The following DNAH9 variants were observed in gnomAD, a reference collection of about 807,000 sequenced individuals.
DNAH9 encodes the protein dynein axonemal heavy chain 9.
In DNAH9, 345 loss-of-function variants were observed where a neutral mutation model predicts 471.6. That is an observed-to-expected ratio of 0.73 (90% CI 0.67 to 0.80). The LOEUF (loss-of-function observed/expected upper bound fraction) is 0.80. Among genes scored for constraint, DNAH9 ranks in the 30% least tolerant of loss-of-function variants. DNAH9 has a pLI of 0.00. For synonymous variants in DNAH9, 2,093 were observed against 2,123.6 expected, an observed-to-expected ratio of 0.99 and a Z score of 0.40; for missense variants, 5,407 against 5,609.2, an observed-to-expected ratio of 0.96 and a Z score of 1.15.
Position 11,623,621 on chromosome 17 carries a change from T to C in DNAH9, c.1350+3840T>C, listed in dbSNP as rs559300168. On this transcript the variant is annotated intron_variant, in intron 6 of 68. Coordinates refer to ENST00000262442, the MANE Select transcript of DNAH9 (RefSeq NM_001372.4). This position sits in a 1 kb window ranked among gnomAD's most constrained non-coding sequence, Gnocchi z 4.1. ...TGGCATATTTCATGTAGGCCTTTAG[T>C]TAATATTCTGTGTATCTCTGTGATC... 3.9e-4 allele frequency among the ~76,000 whole-genome samples: 59 copies of C among 152,288 alleles called. No individual in the cohort carries two copies. Among genetic ancestry groups the C allele is most frequent in the African/African-American group, 1.3e-3 (55 of 41,568 alleles).
At chr17:11,761,961 G>T (rs750078071) in intron 35 of DNAH9, among the ~76,000 whole-genome samples, 1 of 152,014 alleles carries the variant, frequency 6.6e-6, no homozygotes, top group Non-Finnish European at 1.5e-5. Flanking sequence ...ATCTCTGTTT[G>T]GAATGGAAGG....
chr17:11,787,421 G>T (rs151230839), intron 41 of DNAH9, among the ~76,000 whole-genome samples: 3 of 152,178 alleles, frequency 2.0e-5, no homozygotes, highest in Non-Finnish European at 4.4e-5. Flanking sequence ...AGCACATCAG[G>T]AGGCAGCTTT....
intron 61 of DNAH9, among the ~76,000 whole-genome samples, chr17:11,917,265 T>G (rs1415868832): frequency 6.6e-6 from 1 of 152,146 alleles, no homozygotes; most frequent in East Asian, 1.9e-4. Flanking sequence ...CAAGCGATTC[T>G]CCTGCCTCAG....
chr17:11,676,628 C>T (rs958576800), intron 17 of DNAH9, among the ~76,000 whole-genome samples: 11 of 151,706 alleles, frequency 7.3e-5, no homozygotes, highest in African/African-American at 1.5e-4. Flanking sequence ...TTCTTCTTGC[C>T]GGACACAAAA....
intron 67 of DNAH9, among the ~76,000 whole-genome samples, chr17:11,956,957 T>G (rs1334011474): frequency 6.6e-6 from 1 of 151,444 alleles, no homozygotes; most frequent in African/African-American, 2.4e-5. Flanking sequence ...AACAAAAAAA[T>G]TATAAAACTT....
chr17:11,949,839 C>T (rs1366398542), intron 67 of DNAH9, among the ~76,000 whole-genome samples: 1 of 152,056 alleles, frequency 6.6e-6, no homozygotes, highest in Non-Finnish European at 1.5e-5. Flanking sequence ...CAGGGCTGTC[C>T]CTGCTTCACT....
At chr17:11,886,734 G>T in intron 56 of DNAH9, 91 bp from the exon 57 acceptor site, 1 of 1,480,274 alleles carries the variant, frequency 6.8e-7, no homozygotes, top group South Asian at 1.4e-5. Flanking sequence ...CCCCTAAGCA[G>T]ACGCATGTCT....
chr17:11,742,153 C>G (rs372074678), intron 29 of DNAH9, 22 bp from the exon 30 acceptor site: 2 of 1,612,736 alleles, frequency 1.2e-6, no homozygotes, highest in East Asian at 4.5e-5. Context: ...ACTGACTGGG[C>G]CTTCTGTCTT....
chr17:11,651,046 C>T (rs1229157945), intron 12 of DNAH9, 23 bp from the exon 13 acceptor site: 7 of 1,609,342 alleles, frequency 4.3e-6, no homozygotes, highest in Non-Finnish European at 5.1e-6. Flanking sequence ...ACGACAGACA[C>T]TTGTGTTGCT....
chr17:11,694,477 C>G (rs772934224), intron 22 of DNAH9, 30 bp downstream of exon 22: 2 of 1,612,782 alleles, frequency 1.2e-6, no homozygotes, highest in East Asian at 2.2e-5. Context: ...GCAGAAAGGT[C>G]TAGGAGGGCT....
intron 63 of DNAH9, among the ~76,000 whole-genome samples, chr17:11,931,748 T>A (rs113309360): frequency 3.3e-5 from 5 of 152,138 alleles, no homozygotes; most frequent in African/African-American, 1.2e-4. Flanking sequence ...TCAGCTACAT[T>A]AGTGAACTTT....
intron 57 of DNAH9, among the ~76,000 whole-genome samples, chr17:11,888,177 G>A (rs767362218): frequency 2.0e-5 from 3 of 151,768 alleles, no homozygotes; most frequent in African/African-American, 4.8e-5. Context: ...GTAGAGACGG[G>A]GTTTCACTGT....
chr17:11,906,620 TC>T (rs937375652), intron 61 of DNAH9, among the ~76,000 whole-genome samples: 38 of 138,282 alleles, frequency 2.7e-4, no homozygotes, highest in African/African-American at 1.1e-3. Flanking sequence ...AGAGCAAGAC[TC>T]TGTCTCAAAA....
At position 11,785,920 on chromosome 17, in the gene DNAH9, C is replaced by T. The variant is rs141582836; in HGVS notation, c.8061+1381C>T. On this transcript the variant is annotated intron_variant, in intron 41 of 68. Transcript: ENST00000262442. ...AGCTCTGAGCCTATAAAGCCTGCAT[C>T]TCTGCAGGCCTCAGGACTGGACAGC... 2.6e-4 allele frequency among the ~76,000 whole-genome samples: 39 copies of T among 152,314 alleles called. 1 individual carries two copies. In the East Asian group the frequency reaches 7.1e-3, roughly 28 times the overall value.
At chr17:11,812,576 A>G (rs1969966169) in intron 45 of DNAH9, among the ~76,000 whole-genome samples, 1 of 152,100 alleles carries the variant, frequency 6.6e-6, no homozygotes, top group South Asian at 2.1e-4. Context: ...GGTCCAGAGC[A>G]TGTACTAGCA....
intron 62 of DNAH9, 77 bp downstream of exon 62, chr17:11,924,018 A>C: frequency 6.5e-7 from 1 of 1,548,178 alleles, no homozygotes; most frequent in South Asian, 1.2e-5. Flanking sequence ...ATCTCCATCC[A>C]CTCTTAGCTT....
intron 48 of DNAH9, among the ~76,000 whole-genome samples, chr17:11,829,988 C>T (rs1366465530): frequency 6.6e-6 from 1 of 152,150 alleles, no homozygotes; most frequent in Admixed American, 6.5e-5. Flanking sequence ...TTAAAACTCT[C>T]CCACAGGCCT....
intron 28 of DNAH9, among the ~76,000 whole-genome samples, chr17:11,734,743 A>G (rs1400441552): frequency 6.6e-6 from 1 of 152,246 alleles, no homozygotes; most frequent in Non-Finnish European, 1.5e-5. Context: ...CTGCAGACTC[A>G]GTTGCTGCTA....
intron 48 of DNAH9, among the ~76,000 whole-genome samples, chr17:11,827,596 G>C (rs1419476389): frequency 6.6e-6 from 1 of 152,022 alleles, no homozygotes; most frequent in Non-Finnish European, 1.5e-5. Context: ...CCCACCTCCA[G>C]CATTTGACAG....
Sources: gnomAD v4.1 joint callset for allele counts (sites outside exome capture counted in the v4.1 genomes callset) on GRCh38, gnomAD v4.1.1 for gene constraint, Gnocchi (gnomAD v3.1) non-coding constraint, MANE v1.5 for transcripts, NCBI Gene and HGNC (gene_info 2026-07-23, HGNC 2026-07-21) for gene names.